Variants in SGCZ observed in about 807,000 individuals in gnomAD.
SGCZ encodes sarcoglycan zeta, also known as zeta-sarcoglycan.
SGCZ carries 40 observed loss-of-function variants against 41.3 expected under a neutral mutation model. The observed-to-expected ratio is 0.97, with a 90% confidence interval of 0.75 to 1.26. SGCZ has a LOEUF of 1.26. SGCZ is among the 50% of genes most tolerant of loss of function. The pLI, the probability that SGCZ is intolerant of heterozygous loss-of-function variation, is 0.00. For synonymous variants in SGCZ, 206 were observed against 137.5 expected (o/e 1.50, Z -3.49); for missense variants, 552 against 369.8 (o/e 1.49, Z -4.04).
Position 14,860,186 on chromosome 8 carries a change from C to CTTTTTTTTTGTCT in SGCZ, c.40-305273_40-305261dup, listed in dbSNP as rs771600889. Among the ~76,000 whole-genome samples, 385 of 150,396 alleles carry CTTTTTTTTTGTCT rather than the reference C, an allele frequency of 2.6e-3. 1 individual carries two copies. Among genetic ancestry groups the CTTTTTTTTTGTCT allele is most frequent in the African/African-American group, 9.1e-3 (372 of 40,904 alleles). ...ACTCGAAGAAAATGCTACACAAAGTCTTTTTTTTTGTCTTTTTTTTTTCTT... is the reference window on the plus strand; with the variant it reads ...ACTCGAAGAAAATGCTACACAAAGTCTTTTTTTTTGTCTTTTTTTTTTGTCTTTTTTTTTTCTT... On this transcript the variant is annotated intron_variant, in intron 1 of 7. Transcript: ENST00000382080.
chr8:14,620,013 G>C (rs1386220525), intron 1 of SGCZ, among the ~76,000 whole-genome samples: 3 of 152,140 alleles, frequency 2.0e-5, no homozygotes, highest in East Asian at 1.9e-4. Context: ...CAAAGTGGGA[G>C]GCATCACACT....
At chr8:14,532,611 G>A (rs578065075) in intron 2 of SGCZ, among the ~76,000 whole-genome samples, 1 of 150,040 alleles carries the variant, frequency 6.7e-6, no homozygotes, top group Admixed American at 6.8e-5. Flanking sequence ...ATGCAAAAAT[G>A]TAAGAGGAAA....
chr8:14,986,643 G>A (rs911281703), intron 1 of SGCZ, among the ~76,000 whole-genome samples: 1 of 151,982 alleles, frequency 6.6e-6, no homozygotes, highest in African/African-American at 2.4e-5. Flanking sequence ...AATATTCAAT[G>A]TTTTAAAATT....
chr8:14,265,196 C>G (rs766056508), intron 3 of SGCZ, among the ~76,000 whole-genome samples: 9 of 152,144 alleles, frequency 5.9e-5, no homozygotes, highest in African/African-American at 9.7e-5. Flanking sequence ...ACCCTTTTCC[C>G]ATTTGTCCTG....
intron 3 of SGCZ, among the ~76,000 whole-genome samples, chr8:14,315,640 G>A (rs1368977442): frequency 2.0e-5 from 3 of 152,020 alleles, no homozygotes. Flanking sequence ...CACATGAGAT[G>A]TGGCCTAAAC....
chr8:14,450,526 T>C (rs1475116735), intron 2 of SGCZ, among the ~76,000 whole-genome samples: 3 of 152,290 alleles, frequency 2.0e-5, no homozygotes, highest in Non-Finnish European at 2.9e-5. Flanking sequence ...GTACCTTTGG[T>C]AATAATTTTA....
intron 1 of SGCZ, among the ~76,000 whole-genome samples, chr8:14,915,376 G>C (rs553003490): frequency 2.6e-5 from 4 of 152,046 alleles, no homozygotes; most frequent in African/African-American, 4.8e-5. Context: ...AGGAGTCCTC[G>C]GTAAGACTTT....
At chr8:14,648,944 G>T (rs1807310546) in intron 1 of SGCZ, among the ~76,000 whole-genome samples, 1 of 152,026 alleles carries the variant, frequency 6.6e-6, no homozygotes, top group African/African-American at 2.4e-5. Flanking sequence ...ATTGGAGTTT[G>T]TAGAAATATC....
intron 1 of SGCZ, among the ~76,000 whole-genome samples, chr8:14,787,399 C>T (rs1800802579): frequency 6.6e-6 from 1 of 151,530 alleles, no homozygotes; most frequent in African/African-American, 2.4e-5. Flanking sequence ...GTAAAATATA[C>T]TTATGGTATA....
intron 2 of SGCZ, among the ~76,000 whole-genome samples, chr8:14,422,229 A>T (rs949508205): frequency 1.3e-5 from 2 of 152,208 alleles, no homozygotes; most frequent in Non-Finnish European, 2.9e-5. Flanking sequence ...ATACAAGATT[A>T]AATAAAGCAA....
intron 1 of SGCZ, among the ~76,000 whole-genome samples, chr8:15,097,884 G>GTC (rs1806435528): frequency 6.4e-5 from 1 of 15,618 alleles, no homozygotes; most frequent in Non-Finnish European, 1.4e-4. Flanking sequence ...ATATATATAC[G>GTC]TGTGTATATA....
chr8:14,884,059 G>C (rs538776429), intron 1 of SGCZ, among the ~76,000 whole-genome samples: 6 of 152,112 alleles, frequency 3.9e-5, no homozygotes, highest in African/African-American at 1.4e-4. Flanking sequence ...TTCACATGTG[G>C]AGTTTAGCAT....
chr8:14,217,295 C>CAAA (rs34197711), intron 4 of SGCZ, among the ~76,000 whole-genome samples: 85 of 55,910 alleles, frequency 1.5e-3, no homozygotes, highest in African/African-American at 2.1e-3. Flanking sequence ...GACTCCATCT[C>CAAA]AAAAAAAAAA....
At chr8:15,187,560 T>G (rs1006999766) in intron 1 of SGCZ, among the ~76,000 whole-genome samples, 1 of 152,074 alleles carries the variant, frequency 6.6e-6, no homozygotes, top group East Asian at 1.9e-4. Context: ...ATAGTATTTA[T>G]GACAGTGCTT....
At chr8:14,262,758 C>G (rs1799718071) in intron 3 of SGCZ, among the ~76,000 whole-genome samples, 1 of 149,268 alleles carries the variant, frequency 6.7e-6, no homozygotes, top group Non-Finnish European at 1.5e-5. Flanking sequence ...AGCATAAAAC[C>G]TAGAATTAAA....
chr8:14,634,520 TATG>T (rs1405251058), intron 1 of SGCZ, among the ~76,000 whole-genome samples: 1 of 151,894 alleles, frequency 6.6e-6, no homozygotes, highest in African/African-American at 2.4e-5. Context: ...AATCTTCTTT[TATG>T]ATATTAGTGG....
intron 1 of SGCZ, among the ~76,000 whole-genome samples, chr8:14,939,270 T>C (rs997124773): frequency 6.6e-6 from 1 of 152,170 alleles, no homozygotes; most frequent in Non-Finnish European, 1.5e-5. Context: ...GGTATTCAGC[T>C]AAAGACACTC....
In SGCZ at chr8:14,820,264, G is replaced by C. The variant is rs142579441; in HGVS notation, c.40-265338C>G. ...AACAGACTTTAAGTCAGAGACTGAAGAGACATCATTATACAATGAAAATGG... is the reference window on the plus strand; with the variant it reads ...AACAGACTTTAAGTCAGAGACTGAACAGACATCATTATACAATGAAAATGG... On this transcript the variant is annotated intron_variant, in intron 1 of 7. Coordinates refer to ENST00000382080, the MANE Select transcript of SGCZ (RefSeq NM_139167.4). Among the ~76,000 whole-genome samples, 149 of 152,046 alleles carry C rather than the reference G, an allele frequency of 9.8e-4. 1 individual carries two copies. In the East Asian group the frequency reaches 0.015, roughly 15 times the overall value.
At chr8:14,316,819 A>ACG (rs1387866499) in intron 3 of SGCZ, among the ~76,000 whole-genome samples, 2 of 69,696 alleles carry the variant, frequency 2.9e-5, no homozygotes, top group African/African-American at 1.0e-4. Context: ...ATAGACACAC[A>ACG]CACACACACA....
Sources: gnomAD v4.1 joint callset for allele counts (sites outside exome capture counted in the v4.1 genomes callset) on GRCh38, gnomAD v4.1.1 for gene constraint, MANE v1.5 for transcripts, NCBI Gene and HGNC (gene_info 2026-07-23, HGNC 2026-07-21) for gene names.